The following HIPK3 variants were observed in gnomAD, a reference collection of about 807,000 sequenced individuals.
HIPK3 encodes the protein homeodomain-interacting protein kinase 3.
In HIPK3, 47 loss-of-function variants were observed where a neutral mutation model predicts 124.2. The ratio of observed to expected loss-of-function variants is 0.38; its 90% CI spans 0.30 to 0.48. The LOEUF is 0.48. HIPK3 is among the 20% of genes least tolerant of loss of function. The pLI is 0.98. For missense variants in HIPK3, 1,286 were observed against 1,454.3 expected, an observed-to-expected ratio of 0.88 and a Z score of 1.88; for synonymous variants, 482 against 515.2, an observed-to-expected ratio of 0.94 and a Z score of 0.87.
At chr11:33,335,506 T>C (rs1008808878) in intron 3 of HIPK3, among the ~76,000 whole-genome samples, 4 of 152,168 alleles carry the variant, frequency 2.6e-5, no homozygotes, top group Admixed American at 2.6e-4. Flanking sequence ...AGGCCATTAC[T>C]TATCTTAATA....
In HIPK3 at chr11:33,257,762, G is replaced by T. The variant is rs1850705041; in HGVS notation, c.-130G>T. 1.0e-6 allele frequency: 1 copy of T among 988,086 alleles called. No homozygotes were observed. The highest frequency in any genetic ancestry group is 1.2e-6 in the Non-Finnish European group (1 of 831,904). The allele number at this position is 988,086 out of a possible 1,614,324, so 61.2% of individuals were successfully genotyped here. ...GGCAGCGGCCGCGGAGAGGGGCTGA[G>T]CCCGGGCTGGGTGGTGCCGCCTGCT... On this transcript the variant is annotated 5_prime_UTR_variant, in exon 1 of 17. Transcript: ENST00000303296.
chr11:33,288,596 TAAAG>T (rs1052862028), intron 2 of HIPK3, among the ~76,000 whole-genome samples: 17 of 152,266 alleles, frequency 1.1e-4, no homozygotes, highest in African/African-American at 3.6e-4. Flanking sequence ...TGGGGGAAGT[TAAAG>T]AAGAAAATAA....
At position 33,257,615 on chromosome 11, in the gene HIPK3, C is replaced by A; in HGVS notation, c.-277C>A. ...CGCCCTAGCCAAGCCGTCCCCACCCCAAATCCCCGGGAAGGAAGATGAGGG... is the reference window on the plus strand; with the variant it reads ...CGCCCTAGCCAAGCCGTCCCCACCCAAAATCCCCGGGAAGGAAGATGAGGG... On this transcript the variant is annotated 5_prime_UTR_variant, in exon 1 of 17. Coordinates refer to ENST00000303296, the MANE Select transcript of HIPK3 (RefSeq NM_005734.5). 1.0e-6 allele frequency: 1 copy of A among 988,520 alleles called. No homozygotes were observed. The highest frequency in any genetic ancestry group is 4.5e-5 in the South Asian group (1 of 22,060). The allele number at this position is 988,520 out of a possible 1,614,324, so 61.2% of individuals were successfully genotyped here.
rs552202105 is a variant in HIPK3 at position 33,323,236 on chromosome 11, C to CATTTATTT, written c.1098-5261_1098-5254dup. On this transcript the variant is annotated intron_variant, in intron 2 of 16. Transcript: ENST00000303296. Reference sequence around the variant, plus strand: ...ACAAAGACTACGTATTATGGGATTCCATTTATTTATTTATTTATTTTTTGA... The same window carrying CATTTATTT: ...ACAAAGACTACGTATTATGGGATTCCATTTATTTATTTATTTATTTATTTATTTTTTGA... 2.0e-5 allele frequency among the ~76,000 whole-genome samples: 3 copies of CATTTATTT among 151,906 alleles called. No homozygotes were observed. The South Asian group carries it at 6.2e-4, about 31-fold the overall frequency.
chr11:33,290,577 A>G (rs1424942860), intron 2 of HIPK3, among the ~76,000 whole-genome samples: 3 of 151,608 alleles, frequency 2.0e-5, no homozygotes, highest in African/African-American at 7.3e-5. Context: ...ATTATTCTGC[A>G]TATCAGAATT....
chr11:33,293,113 C>T (rs983884908), intron 2 of HIPK3, among the ~76,000 whole-genome samples: 1 of 152,162 alleles, frequency 6.6e-6, no homozygotes, highest in East Asian at 1.9e-4. Context: ...TTTACATAGA[C>T]ACAGATAGTC....
At chr11:33,308,185 A>G (rs894393293) in intron 2 of HIPK3, among the ~76,000 whole-genome samples, 2 of 152,222 alleles carry the variant, frequency 1.3e-5, no homozygotes, top group Admixed American at 6.5e-5. Flanking sequence ...CTACTGCATA[A>G]CAGTGACAGC....
At chr11:33,289,643 T>C (rs565375587) in intron 2 of HIPK3, among the ~76,000 whole-genome samples, 2 of 152,340 alleles carry the variant, frequency 1.3e-5, no homozygotes, top group Non-Finnish European at 2.9e-5. Context: ...CTTCAAGCAT[T>C]TGTCATTTCT....
At chr11:33,348,878 A>G in intron 13 of HIPK3, 60 bp downstream of exon 13, 1 of 1,475,368 alleles carries the variant, frequency 6.8e-7, no homozygotes, top group Non-Finnish European at 9.2e-7. Flanking sequence ...TGTGCCGAAA[A>G]ACAACTTTCT....
chr11:33,268,245 CTTAA>C (rs1375214715), intron 1 of HIPK3, among the ~76,000 whole-genome samples: 1 of 152,084 alleles, frequency 6.6e-6, no homozygotes, highest in African/African-American at 2.4e-5. Context: ...AAACAGTATT[CTTAA>C]TTAAATTTGA....
intron 1 of HIPK3, among the ~76,000 whole-genome samples, chr11:33,267,705 C>T (rs1397977786): frequency 6.7e-6 from 1 of 149,026 alleles, no homozygotes; most frequent in Non-Finnish European, 1.5e-5. Context: ...ACTGTGTTAG[C>T]CCGGCTGGTC....
intron 7 of HIPK3, among the ~76,000 whole-genome samples, 187 bp downstream of exon 7, chr11:33,341,314 C>G (rs1000720325): frequency 6.6e-6 from 1 of 152,134 alleles, no homozygotes; most frequent in Non-Finnish European, 1.5e-5. Flanking sequence ...CTCCGATTCA[C>G]TTTTTGCCAT....
intron 1 of HIPK3, among the ~76,000 whole-genome samples, chr11:33,267,911 A>G (rs537317342): frequency 4.6e-5 from 7 of 152,324 alleles, no homozygotes; most frequent in African/African-American, 1.7e-4. Flanking sequence ...GTATAATTGT[A>G]TATAATACAG....
intron 1 of HIPK3, among the ~76,000 whole-genome samples, chr11:33,264,168 T>C (rs978203080): frequency 3.0e-4 from 45 of 152,166 alleles, no homozygotes; most frequent in African/African-American, 1.1e-3. Flanking sequence ...TCTTTTTTTT[T>C]TTTAAACAAA....
At chr11:33,347,011 C>T (rs1412614290) in intron 8 of HIPK3, among the ~76,000 whole-genome samples, 1 of 151,834 alleles carries the variant, frequency 6.6e-6, no homozygotes, top group Non-Finnish European at 1.5e-5. Context: ...CAACATAGAC[C>T]CTGTCTCTAC....
intron 1 of HIPK3, among the ~76,000 whole-genome samples, chr11:33,259,445 G>A (rs1303250193): frequency 6.6e-6 from 1 of 152,160 alleles, no homozygotes; most frequent in Non-Finnish European, 1.5e-5. Flanking sequence ...AGTATTTTAA[G>A]TAAACAAAAT....
At chr11:33,328,291 A>G (rs1852868330) in intron 2 of HIPK3, among the ~76,000 whole-genome samples, 1 of 152,222 alleles carries the variant, frequency 6.6e-6, no homozygotes, top group African/African-American at 2.4e-5. Flanking sequence ...AAAGGATTAC[A>G]GTGGAAGAGA....
chr11:33,300,458 G>C (rs546985317), intron 2 of HIPK3, among the ~76,000 whole-genome samples: 1 of 152,238 alleles, frequency 6.6e-6, no homozygotes, highest in African/African-American at 2.4e-5. Flanking sequence ...ACCAGCCAAA[G>C]TATTACAACT....
intron 2 of HIPK3, among the ~76,000 whole-genome samples, chr11:33,303,556 T>C (rs1485140175): frequency 1.3e-5 from 2 of 152,244 alleles, no homozygotes; most frequent in Non-Finnish European, 2.9e-5. Context: ...TAAAAGTGCA[T>C]ATAGCTTCAT....
Sources: allele counts gnomAD v4.1 joint callset (sites outside exome capture counted in the v4.1 genomes callset), GRCh38; gene constraint gnomAD v4.1.1; transcripts MANE v1.5; gene names NCBI Gene and HGNC (gene_info 2026-07-23, HGNC 2026-07-21).